Variants in ZNF804B observed in about 807,000 individuals in gnomAD.
ZNF804B encodes zinc finger 804B.
Under a neutral mutation model 101.4 loss-of-function variants are expected in ZNF804B, and 80 were observed. The observed-to-expected ratio is 0.79, with a 90% CI of 0.66 to 0.95. The LOEUF is 0.95. Among genes scored for constraint, ZNF804B ranks in the 40% least tolerant of loss-of-function variants. The pLI is 0.00. For synonymous variants in ZNF804B, 622 were observed against 558.8 expected (o/e 1.11, Z -1.59); for missense variants, 1,673 against 1,561.9 (o/e 1.07, Z -1.20).
At chr7:88,798,832 A>C (rs1022473871) in intron 1 of ZNF804B, among the ~76,000 whole-genome samples, 1 of 152,078 alleles carries the variant, frequency 6.6e-6, no homozygotes, top group Admixed American at 6.6e-5. Context: ...CTTATGTGCC[A>C]TCTATTAAGG....
At chr7:89,139,370 TTAAAA>T (rs1312429343) in intron 1 of ZNF804B, among the ~76,000 whole-genome samples, 14 of 152,112 alleles carry the variant, frequency 9.2e-5, no homozygotes, top group African/African-American at 3.4e-4. Flanking sequence ...TGTAAATTTC[TTAAAA>T]TAAAACAATG....
At chr7:88,990,638 T>A (rs1793831389) in intron 1 of ZNF804B, among the ~76,000 whole-genome samples, 1 of 152,140 alleles carries the variant, frequency 6.6e-6, no homozygotes, top group African/African-American at 2.4e-5. Context: ...TTTATCTTGA[T>A]TTTCTCCAAC....
chr7:88,915,502 T>C (rs912729728), intron 1 of ZNF804B, among the ~76,000 whole-genome samples: 1 of 152,022 alleles, frequency 6.6e-6, no homozygotes. Flanking sequence ...CTTATACTTT[T>C]ATAAATAGAT....
chr7:88,780,155 C>A (rs1790201869), intron 1 of ZNF804B, among the ~76,000 whole-genome samples: 1 of 151,944 alleles, frequency 6.6e-6, no homozygotes, highest in Non-Finnish European at 1.5e-5. Context: ...TGGCTTATAT[C>A]CAAAAGACAG....
chr7:89,253,117 C>T (rs992609994), intron 2 of ZNF804B, among the ~76,000 whole-genome samples: 3 of 152,104 alleles, frequency 2.0e-5, no homozygotes, highest in African/African-American at 7.2e-5. Context: ...TTCAAAACTT[C>T]TGGGATATAG....
intron 1 of ZNF804B, among the ~76,000 whole-genome samples, chr7:88,973,442 T>C (rs1793566404): frequency 1.3e-5 from 2 of 151,370 alleles, no homozygotes; most frequent in Admixed American, 1.3e-4. Flanking sequence ...AAATCTGAAG[T>C]GTGATGTGTT....
intron 1 of ZNF804B, among the ~76,000 whole-genome samples, chr7:89,135,125 A>T (rs1479448298): frequency 6.6e-6 from 1 of 152,148 alleles, no homozygotes; most frequent in African/African-American, 2.4e-5. Context: ...AATCAAGACC[A>T]AGCTCAAGCA....
chr7:88,930,221 C>CT (rs1419604672), intron 1 of ZNF804B, among the ~76,000 whole-genome samples: 1 of 151,852 alleles, frequency 6.6e-6, no homozygotes, highest in East Asian at 1.9e-4. Flanking sequence ...TTTAAATCTC[C>CT]TTTAAAAACT....
At chr7:88,941,424 A>G (rs1320978420) in intron 1 of ZNF804B, among the ~76,000 whole-genome samples, 1 of 152,068 alleles carries the variant, frequency 6.6e-6, no homozygotes, top group Non-Finnish European at 1.5e-5. Flanking sequence ...AATATTATTC[A>G]GTGCTAAAAG....
chr7:88,908,129 A>G (rs1792499014), intron 1 of ZNF804B, among the ~76,000 whole-genome samples: 1 of 151,836 alleles, frequency 6.6e-6, no homozygotes, highest in Non-Finnish European at 1.5e-5. Context: ...ATCTAGTAGG[A>G]AACTTATATT....
At chr7:89,081,094 G>A (rs1159707673) in intron 1 of ZNF804B, among the ~76,000 whole-genome samples, 1 of 151,912 alleles carries the variant, frequency 6.6e-6, no homozygotes, top group Non-Finnish European at 1.5e-5. Flanking sequence ...TGGAGCAATA[G>A]AGATGAATTG....
rs191396537 is a variant in ZNF804B, at chr7:89,128,644, T to G, written c.109-89511T>G. Among the ~76,000 whole-genome samples, 509 of 152,140 alleles carry G rather than the reference T, an allele frequency of 3.3e-3. 4 individuals are homozygous for G. The highest frequency in any genetic ancestry group is 0.012 in the African/African-American group (483 of 41,534). On this transcript the variant is annotated intron_variant, in intron 1 of 3. Coordinates refer to ENST00000333190, the MANE Select transcript of ZNF804B (RefSeq NM_181646.5). ...GTGTGTGAAATATGTTAATTTCTAT[T>G]TTTTCTCTTTTTCATGTTAATTTGC...
chr7:88,781,824 A>G (rs919223313), intron 1 of ZNF804B, among the ~76,000 whole-genome samples: 1 of 152,090 alleles, frequency 6.6e-6, no homozygotes, highest in African/African-American at 2.4e-5. Context: ...CAGGTTACTC[A>G]GGCTCTTATT....
In ZNF804B at chr7:89,292,780, A is replaced by G. The variant is rs144979931; in HGVS notation, c.250-34564A>G. On this transcript the variant is annotated intron_variant, in intron 2 of 3. Transcript: ENST00000333190. The stretch of plus-strand genomic sequence containing the variant: ...TATCTTAATGTAATGAAATAATTGG[A>G]TGAAAGGTCAACATAATAAAAATTA... 2.8e-3 allele frequency among the ~76,000 whole-genome samples: 431 copies of G among 152,144 alleles called. 2 individuals are homozygous for G. The highest frequency in any genetic ancestry group is 9.7e-3 in the African/African-American group (401 of 41,552).
intron 2 of ZNF804B, among the ~76,000 whole-genome samples, chr7:89,285,187 C>G (rs999800392): frequency 6.6e-6 from 1 of 151,658 alleles, no homozygotes; most frequent in Non-Finnish European, 1.5e-5. Context: ...TGACTGTACT[C>G]AAGCTTGGGC....
At chr7:88,779,445 C>T (rs1349726100) in intron 1 of ZNF804B, among the ~76,000 whole-genome samples, 2 of 152,160 alleles carry the variant, frequency 1.3e-5, no homozygotes, top group African/African-American at 4.8e-5. Flanking sequence ...TGTGAATATT[C>T]TCTGTGAAGC....
chr7:89,309,920 C>T (rs886203864), intron 2 of ZNF804B, among the ~76,000 whole-genome samples: 12 of 151,834 alleles, frequency 7.9e-5, no homozygotes, highest in South Asian at 2.1e-4. Flanking sequence ...TCTCTCCTCA[C>T]GGACAAAACA....
intron 2 of ZNF804B, among the ~76,000 whole-genome samples, chr7:89,230,294 A>G (rs1395789138): frequency 8.9e-6 from 1 of 111,796 alleles, no homozygotes; most frequent in East Asian, 2.0e-4. Flanking sequence ...GGAGAGAGAT[A>G]GACATGGGGA....
At position 89,234,163 on chromosome 7, in the gene ZNF804B, G is replaced by C. The variant is rs76443753; in HGVS notation, c.249+15868G>C. ...TAAGCCTAGCTAATATAATGAGCTT[G>C]TTTTTAAGTAGAGGTATTAAAGATA... On this transcript the variant is annotated intron_variant, in intron 2 of 3. Coordinates refer to ENST00000333190, the MANE Select transcript of ZNF804B (RefSeq NM_181646.5). 5.4e-3 allele frequency among the ~76,000 whole-genome samples: 825 copies of C among 152,206 alleles called. 8 individuals carry two copies. Among genetic ancestry groups the C allele is most frequent in the African/African-American group, 0.019 (790 of 41,534 alleles).
Sources: gnomAD v4.1 joint callset for allele counts (sites outside exome capture counted in the v4.1 genomes callset) on GRCh38, gnomAD v4.1.1 for gene constraint, MANE v1.5 for transcripts, NCBI Gene and HGNC (gene_info 2026-07-23, HGNC 2026-07-21) for gene names.